NIPBL: variants seen among roughly 807,000 people sequenced by gnomAD.
The protein encoded by NIPBL is nipped-B-like protein.
A neutral mutation model predicts 321.8 loss-of-function variants in NIPBL; 19 were observed. The observed-to-expected ratio is 0.06, with a 90% CI of 0.04 to 0.09. NIPBL has a LOEUF of 0.09. NIPBL is among the 10% of genes least tolerant of loss of function. The probability of loss-of-function intolerance (pLI) is 1.00; values close to 1 mark genes in which losing one functional copy is unlikely to be tolerated. For missense variants in NIPBL, 2,210 were observed against 3,327.0 expected (o/e 0.66, Z 8.26); for synonymous variants, 1,106 against 1,114.1 (o/e 0.99, Z 0.14).
chr5:37,001,565 A>G (rs1017465047), intron 14 of NIPBL, among the ~76,000 whole-genome samples: 2 of 152,140 alleles, frequency 1.3e-5, no homozygotes, highest in African/African-American at 4.8e-5. Flanking sequence ...AGAAATAAGC[A>G]TCTATTCTTC....
chr5:36,892,882 T>C (rs1448164796), intron 1 of NIPBL, among the ~76,000 whole-genome samples: 2 of 152,186 alleles, frequency 1.3e-5, no homozygotes, highest in African/African-American at 4.8e-5. Context: ...GGCACATGTA[T>C]ACATATGTAA....
chr5:36,971,773 T>A (rs1472214469), intron 7 of NIPBL, 172 bp from the exon 8 acceptor site: 11 of 975,132 alleles, frequency 1.1e-5, no homozygotes, highest in Non-Finnish European at 1.1e-5. Context: ...TGGATACAAT[T>A]TCAATTCTTC....
chr5:37,026,407 C>T (rs1750272209), intron 31 of NIPBL, 80 bp downstream of exon 31: 1 of 795,112 alleles, frequency 1.3e-6, no homozygotes, highest in African/African-American at 1.7e-5. Context: ...AAGGAAGAGA[C>T]AATAATGAGA....
At chr5:36,929,155 C>T (rs1376450398) in intron 1 of NIPBL, among the ~76,000 whole-genome samples, 1 of 152,082 alleles carries the variant, frequency 6.6e-6, no homozygotes, top group African/African-American at 2.4e-5. Context: ...ACATCTTCAC[C>T]AACAGTTAAT....
intron 34 of NIPBL, among the ~76,000 whole-genome samples, chr5:37,043,884 A>G (rs1465171461): frequency 6.6e-6 from 1 of 152,224 alleles, no homozygotes; most frequent in Non-Finnish European, 1.5e-5. Flanking sequence ...ACTAGATGCC[A>G]GTAGTGGCTC....
intron 42 of NIPBL, among the ~76,000 whole-genome samples, chr5:37,056,320 T>C (rs1339465748): frequency 2.6e-5 from 4 of 152,170 alleles, no homozygotes; most frequent in Non-Finnish European, 5.9e-5. Context: ...TTTTATGTTG[T>C]TTCCATGGCA....
In NIPBL at chr5:36,995,492, T is replaced by C. The variant is rs893403818; in HGVS notation, c.3122-130T>C. ...CACTTTAGGGTTAAGAGTATTATAG[T>C]TGTGTTTTATTAAAATAAACAGTTG... On this transcript the variant is annotated intron_variant, in intron 10 of 46. Coordinates refer to ENST00000282516, the MANE Select transcript of NIPBL (RefSeq NM_133433.4). 43 of 650,366 alleles carry C rather than the reference T, an allele frequency of 6.6e-5. No homozygotes were observed. The African/African-American group carries it at 7.3e-4, about 11-fold the overall frequency. The allele number at this position is 650,366 out of a possible 1,614,324, so 40.3% of individuals were successfully genotyped here.
intron 22 of NIPBL, among the ~76,000 whole-genome samples, chr5:37,015,707 G>A (rs1303049137): frequency 2.2e-4 from 34 of 152,032 alleles, no homozygotes; most frequent in Non-Finnish European, 2.9e-5. Context: ...CTCCAGCCTG[G>A]GTGACAGGGT....
At chr5:36,905,881 T>C (rs910964644) in intron 1 of NIPBL, among the ~76,000 whole-genome samples, 4 of 152,022 alleles carry the variant, frequency 2.6e-5, no homozygotes, top group African/African-American at 7.2e-5. Context: ...GTAGCTGGAC[T>C]ACAGGCACCC....
chr5:37,037,304 CAT>C (rs946704068), intron 33 of NIPBL, among the ~76,000 whole-genome samples: 9 of 151,200 alleles, frequency 6.0e-5, no homozygotes, highest in African/African-American at 2.2e-4. Flanking sequence ...AGGAGAATGG[CAT>C]GAGCCCGGGA....
intron 11 of NIPBL, among the ~76,000 whole-genome samples, chr5:36,997,193 G>A (rs1746226855): frequency 6.6e-6 from 1 of 151,772 alleles, no homozygotes; most frequent in South Asian, 2.1e-4. Flanking sequence ...TAATATACAT[G>A]CCTTACCACT....
Position 36,962,201 on chromosome 5 carries a change from C to T in NIPBL, c.537C>T (p.Ala179=), listed in dbSNP as rs1158754547. Residue 179 remains alanine, a synonymous_variant, in exon 6 of 47, where the codon GCC becomes GCT. Coordinates refer to ENST00000282516, the MANE Select transcript of NIPBL (RefSeq NM_133433.4). The part of the protein sequence containing the change: ...QQNSPVPSPY[A]PQSPAGYMPY... ...ATAGCCCAGTGCCTAGTCCATACGC[C>T]CCACAAAGCCCTGCAGGATACATGC... 1 of 1,614,054 alleles carries T rather than the reference C, an allele frequency of 6.2e-7. No homozygotes were observed. Among genetic ancestry groups the T allele is most frequent in the Non-Finnish European group, 8.5e-7 (1 of 1,179,940 alleles).
chr5:37,042,342 G>GGAGAA (rs1752493328), intron 34 of NIPBL, among the ~76,000 whole-genome samples: 1 of 152,080 alleles, frequency 6.6e-6, no homozygotes. Context: ...GGCTAAAGCA[G>GGAGAA]GAGAATCGCT....
intron 1 of NIPBL, among the ~76,000 whole-genome samples, chr5:36,920,360 A>G (rs1210004234): frequency 2.0e-5 from 3 of 152,218 alleles, no homozygotes; most frequent in African/African-American, 4.8e-5. Flanking sequence ...ATATTCAGAT[A>G]TGGTGAAATC....
intron 32 of NIPBL, among the ~76,000 whole-genome samples, chr5:37,033,823 C>T (rs1417913083): frequency 6.8e-6 from 1 of 146,752 alleles, no homozygotes; most frequent in Non-Finnish European, 1.5e-5. Flanking sequence ...CTACCTCAGC[C>T]TCTTGAGTAG....
chr5:36,903,608 A>C (rs1224419740), intron 1 of NIPBL, among the ~76,000 whole-genome samples: 1 of 152,132 alleles, frequency 6.6e-6, no homozygotes, highest in African/African-American at 2.4e-5. Context: ...GTGGGTGCTC[A>C]CTAAATGTTT....
intron 1 of NIPBL, among the ~76,000 whole-genome samples, chr5:36,951,330 T>G (rs1036177153): frequency 2.6e-5 from 4 of 152,208 alleles, no homozygotes; most frequent in Admixed American, 6.5e-5. Context: ...AGTAGAATCC[T>G]CTAGCATATT....
chr5:36,962,304 A>T, intron 6 of NIPBL, 30 bp downstream of exon 6: 1 of 1,612,782 alleles, frequency 6.2e-7, no homozygotes, highest in Admixed American at 1.7e-5. Context: ...CTTCACTGGG[A>T]ATGTCTAAGT....
At chr5:36,995,960 G>C (rs745697768) in intron 11 of NIPBL, among the ~76,000 whole-genome samples, 156 bp downstream of exon 11, 3 of 151,916 alleles carry the variant, frequency 2.0e-5, no homozygotes, top group Non-Finnish European at 4.4e-5. Flanking sequence ...TTAAAAATGC[G>C]TGAAAGATGA....
Sources: allele counts gnomAD v4.1 joint callset (sites outside exome capture counted in the v4.1 genomes callset), GRCh38; gene constraint gnomAD v4.1.1; transcripts MANE v1.5; gene names NCBI Gene and HGNC (gene_info 2026-07-23, HGNC 2026-07-21).